NT5DC2: variants seen among roughly 807,000 people sequenced by gnomAD.
The protein encoded by NT5DC2 is 5'-nucleotidase domain-containing protein 2.
In NT5DC2, 41 loss-of-function variants were observed where a neutral mutation model predicts 70.0. That is an observed-to-expected ratio of 0.59 (90% CI 0.46 to 0.76). The LOEUF (loss-of-function observed/expected upper bound fraction) is 0.76, where lower values mean the gene tolerates loss of function less well. Ranked by LOEUF, NT5DC2 falls within the 30% of genes least tolerant of loss-of-function variation. The pLI, the probability that NT5DC2 is intolerant of heterozygous loss-of-function variation, is 0.00. For synonymous variants in NT5DC2, 299 were observed against 310.4 expected (o/e 0.96, Z 0.39); for missense variants, 705 against 783.2 (o/e 0.90, Z 1.19).
chr3:52,528,971 C>A (rs1234511044), intron 2 of NT5DC2, 36 bp from the exon 3 acceptor site: 2 of 1,610,842 alleles, frequency 1.2e-6, no homozygotes, highest in Admixed American at 3.3e-5. Flanking sequence ...AAGCCAATAG[C>A]CCTGCCAGAC....
intron 1 of NT5DC2, among the ~76,000 whole-genome samples, chr3:52,530,784 T>C (rs1256632317): frequency 6.6e-6 from 1 of 152,234 alleles, no homozygotes; most frequent in Non-Finnish European, 1.5e-5. Flanking sequence ...AATCTCACTC[T>C]GCACCTGCAC....
In NT5DC2 at chr3:52,529,020, C is replaced by CA; in HGVS notation, c.418-86dup. The CA allele has an allele frequency of 6.3e-7, 1 of 1,590,204 alleles. No homozygotes were observed. The highest frequency in any genetic ancestry group is 8.6e-7 in the Non-Finnish European group (1 of 1,159,650). On this transcript the variant is annotated intron_variant, in intron 2 of 13. Transcript: ENST00000422318. This position sits in a 1 kb window ranked among gnomAD's most constrained non-coding sequence, Gnocchi z 4.1. Reference sequence around the variant, plus strand: ...GGCCACCCCAGGGGGTCAATCCAGCCACCTGCCCAGGGCAGCTGCCAGGCA... The same window carrying CA: ...GGCCACCCCAGGGGGTCAATCCAGCCAACCTGCCCAGGGCAGCTGCCAGGCA...
At chr3:52,533,424 A>G (rs959198312) in intron 1 of NT5DC2, 82 bp downstream of exon 1, 5 of 1,375,366 alleles carry the variant, frequency 3.6e-6, no homozygotes, top group Non-Finnish European at 4.8e-6. Flanking sequence ...GTTTCCCCGG[A>G]GGAGCGGCAC....
At position 52,524,638 on chromosome 3, in the gene NT5DC2, G is replaced by A; in HGVS notation, c.1506C>T (p.Phe502=). ...PTYFSRRLVR[F]SDLYMASLSC... Reference sequence around the variant, plus strand: ...TGAGGGAGGCCATGTAGAGGTCAGAGAAGCGCACGAGGCGCCTTGAGAAGT... The same window carrying A: ...TGAGGGAGGCCATGTAGAGGTCAGAAAAGCGCACGAGGCGCCTTGAGAAGT... Residue 502 remains phenylalanine (F), a synonymous_variant, in exon 14 of 14, where the codon TTC becomes TTT. Transcript: ENST00000422318. 1 of 1,613,148 alleles carries A rather than the reference G, an allele frequency of 6.2e-7. No homozygotes were observed. The highest frequency in any genetic ancestry group is 1.1e-5 in the South Asian group (1 of 91,088).
chr3:52,527,916 C>T lies in NT5DC2; in HGVS notation c.848G>A (p.Arg283Lys), dbSNP rs776659701. 6.2e-7 allele frequency: 1 copy of T among 1,613,588 alleles called. No homozygotes were observed. Among genetic ancestry groups the T allele is most frequent in the Non-Finnish European group, 8.5e-7 (1 of 1,180,022 alleles). ...CAGGACAGCAAACGTCTCATCCCCT[C>T]TCAGGATGTACTTCTCTAATGGGGC... Reference protein sequence around the residue: ...IEQDMEKYILRGDETFAVLSR... With the variant: ...IEQDMEKYILKGDETFAVLSR... The change falls in exon 8 of 14, where the codon AGA becomes AAA. Residue 283 changes from arginine (R) to lysine (K), a missense_variant. Physicochemically the swap from Arg to Lys is conservative, Grantham distance 26. Coordinates refer to ENST00000422318, the MANE Select transcript of NT5DC2 (RefSeq NM_001134231.2).
chr3:52,532,146 C>T (rs1575392369), intron 1 of NT5DC2: 2 of 982,942 alleles, frequency 2.0e-6, no homozygotes, highest in East Asian at 1.1e-4. Flanking sequence ...GTGAAGCTGG[C>T]TCCTGCTGGT....
chr3:52,532,178 G>A (rs914153733), intron 1 of NT5DC2: 1 of 985,314 alleles, frequency 1.0e-6, no homozygotes, highest in Non-Finnish European at 1.2e-6. Flanking sequence ...GATCTTGGTG[G>A]GAATGACTTT....
rs1170923596 is a variant in NT5DC2 at position 52,529,170 on chromosome 3, T to C, written c.397A>G (p.Ile133Val). The change falls in exon 2 of 14, where the codon ATC (isoleucine) becomes GTC (valine). Residue 133 changes from isoleucine to valine, a missense_variant. Transcript: ENST00000422318. This position sits in a 1 kb window ranked among gnomAD's most constrained non-coding sequence, Gnocchi z 4.1. ...HPEIFSTARDILIEHYKYPEG... is the reference protein window; with the variant it reads ...HPEIFSTARDVLIEHYKYPEG... ...CTCACCTTGTAGTGCTCGATCAGGATGTCACGGGCGGTACTGAAGATCTCG... is the reference window on the plus strand; with the variant it reads ...CTCACCTTGTAGTGCTCGATCAGGACGTCACGGGCGGTACTGAAGATCTCG... 6.2e-7 allele frequency: 1 copy of C among 1,613,884 alleles called. No homozygotes were observed. The highest frequency in any genetic ancestry group is 8.5e-7 in the Non-Finnish European group (1 of 1,179,982).
chr3:52,525,082 A>G lies in NT5DC2; in HGVS notation c.1228T>C (p.Trp410Arg). 7.1e-7 allele frequency: 1 copy of G among 1,399,464 alleles called. No homozygotes were observed. Among genetic ancestry groups the G allele is most frequent in the Non-Finnish European group, 9.5e-7 (1 of 1,050,924 alleles). The allele number at this position is 1,399,464 out of a possible 1,614,324, so 86.7% of individuals were successfully genotyped here. The change falls in exon 12 of 14, where the codon TGG (tryptophan) becomes CGG (arginine). Residue 410 changes from tryptophan (W) to arginine (R), a missense_variant. Transcript: ENST00000422318. The stretch of plus-strand genomic sequence containing the variant: ...TCGGGGATGATGGCGCCTGTGCGCC[A>G]GCCGTGCCGCAGCATGAGATCCTGG... ...DLADLMLRHG[W>R]RTGAIIPELE...
chr3:52,532,090 T>A lies in NT5DC2; in HGVS notation c.232+1416A>T, dbSNP rs2079369457. ...GACTGAGGGACCTGTTGCACTGCTC[T>A]CAGCCCGTGGGCATTAGCCCAAAGC... is the stretch of plus-strand genomic sequence containing the variant. On this transcript the variant is annotated intron_variant, in intron 1 of 13. Coordinates refer to ENST00000422318, the MANE Select transcript of NT5DC2 (RefSeq NM_001134231.2). 1.6e-5 allele frequency: 12 copies of A among 749,630 alleles called. No homozygotes were observed. The Admixed American group carries it at 7.5e-4, about 47-fold the overall frequency. The allele number at this position is 749,630 out of a possible 1,614,324, so 46.4% of individuals were successfully genotyped here. A position where few individuals can be genotyped will look rare whatever the true frequency, so the allele number is the denominator to read the frequency against.
At chr3:52,533,860 G>A (rs2079395600), upstream of NT5DC2, 1 of 979,352 alleles carries the variant, frequency 1.0e-6, no homozygotes, top group Non-Finnish European at 1.2e-6. Context: ...CGGCCAATGG[G>A]TGCGGCGCGC....
At chr3:52,527,040 G>A (rs541240205) in intron 10 of NT5DC2, among the ~76,000 whole-genome samples, 2 of 152,344 alleles carry the variant, frequency 1.3e-5, no homozygotes, top group Admixed American at 6.5e-5. Context: ...AGGGAAGCAA[G>A]GCACAGAGGT....
Position 52,529,276 on chromosome 3 carries a change from G to T in NT5DC2, c.291C>A (p.Asn97Lys). Residue 97 changes from asparagine to lysine, a missense_variant, in exon 2 of 14, where the codon AAC (asparagine) becomes AAA (lysine). Coordinates refer to ENST00000422318, the MANE Select transcript of NT5DC2 (RefSeq NM_001134231.2). This position sits in a 1 kb window ranked among gnomAD's most constrained non-coding sequence, Gnocchi z 4.1. ...CCTCAACGTCACGCAGGCTGATCTC[G>T]TTGTTGGCGTAGATGGCTGCTGGGT... The part of the protein sequence containing the change: ...LLNPAAIYAN[N>K]EISLRDVEVY... 2.5e-6 allele frequency: 4 copies of T among 1,613,944 alleles called. No homozygotes were observed. The highest frequency in any genetic ancestry group is 3.4e-6 in the Non-Finnish European group (4 of 1,179,980).
upstream of NT5DC2, chr3:52,534,708 G>A: frequency 6.4e-7 from 1 of 1,558,118 alleles, no homozygotes; most frequent in East Asian, 2.3e-5. Context: ...CTGTGCTCAG[G>A]GTCCGGAGGA....
Position 52,528,686 on chromosome 3 carries a change from G to A in NT5DC2, c.499C>T (p.Leu167=). 6.3e-7 allele frequency: 1 copy of A among 1,599,128 alleles called. No individual in the cohort carries two copies. Among genetic ancestry groups the A allele is most frequent in the Non-Finnish European group, 8.5e-7 (1 of 1,173,098 alleles). Residue 167 remains leucine, a synonymous_variant, in exon 4 of 14, where the codon CTG becomes TTG. Coordinates refer to ENST00000422318, the MANE Select transcript of NT5DC2 (RefSeq NM_001134231.2). ...GLHYDIQKSL[L]MKIDAFHYVQ... ...TAGTGGAAGGCGTCAATCTTCATCA[G>A]AAGGCTCTGGGGGCGCCAGGGAGGC...
rs1260105978 is a variant in NT5DC2 at position 52,527,258 on chromosome 3, C to T, written c.1119+36G>A. The T allele has an allele frequency of 2.5e-6, 4 of 1,600,020 alleles. No homozygotes were observed. The South Asian group carries it at 4.4e-5, about 18-fold the overall frequency. On this transcript the variant is annotated intron_variant, in intron 10 of 13. Coordinates refer to ENST00000422318, the MANE Select transcript of NT5DC2 (RefSeq NM_001134231.2). ...CTGGGGCCCTAGCTAGGCCCCATGC[C>T]CCCACCACATGCTGCTCTCCCCAGA...
rs779126455 is a variant in NT5DC2, at chr3:52,524,956, C to T, written c.1347+7G>A. ...CCTGGCCCTCCCACAGCCACCCCGG[C>T]CCACACCTGCATGCGCTCCAGCAGC... is the stretch of plus-strand genomic sequence containing the variant. On this transcript the variant is annotated splice_region_variant and intron_variant, in intron 12 of 13. Transcript: ENST00000422318. 6.2e-7 allele frequency: 1 copy of T among 1,612,142 alleles called. No homozygotes were observed. The highest frequency in any genetic ancestry group is 8.5e-7 in the Non-Finnish European group (1 of 1,179,762).
Position 52,528,939 on chromosome 3 carries a change from C to G in NT5DC2, c.418-4G>C, listed in dbSNP as rs768199645. On this transcript the variant is annotated splice_region_variant and splice_polypyrimidine_tract_variant and intron_variant, in intron 2 of 13. Coordinates refer to ENST00000422318, the MANE Select transcript of NT5DC2 (RefSeq NM_001134231.2). Reference sequence around the variant, plus strand: ...ACTTCCGAATCCCTTCTGGGTACTGCCGGGGGAAAGGGGCCAGGCCTAAGC... The same window carrying G: ...ACTTCCGAATCCCTTCTGGGTACTGGCGGGGGAAAGGGGCCAGGCCTAAGC... The G allele has an allele frequency of 6.9e-5, 112 of 1,613,832 alleles. No homozygotes were observed. Among genetic ancestry groups the G allele is most frequent in the Non-Finnish European group, 9.2e-5 (108 of 1,180,016 alleles).
At chr3:52,526,493 C>CA (rs1389256859) in intron 10 of NT5DC2, 9 of 152,292 alleles carry the variant, frequency 5.9e-5, no homozygotes, top group Admixed American at 5.9e-4. Context: ...TGCTCATAGA[C>CA]ACCTAATCCC....
Sources: allele counts gnomAD v4.1 joint callset (sites outside exome capture counted in the v4.1 genomes callset), GRCh38; gene constraint gnomAD v4.1.1; non-coding constraint Gnocchi (gnomAD v3.1); transcripts MANE v1.5; gene names NCBI Gene and HGNC (gene_info 2026-07-23, HGNC 2026-07-21).